The following DKC1 variants were observed in gnomAD, a reference collection of about 807,000 sequenced individuals.
DKC1 encodes the protein dyskerin pseudouridine synthase 1, also known as H/ACA ribonucleoprotein complex subunit DKC1.
A neutral mutation model predicts 46.7 loss-of-function variants in DKC1; 4 were observed. That is an observed-to-expected ratio of 0.09 (90% CI 0.04 to 0.20). The LOEUF is 0.20. Ranked by LOEUF, DKC1 falls within the 10% of genes least tolerant of loss-of-function variation. The probability of loss-of-function intolerance (pLI) is 1.00; values close to 1 mark genes in which losing one functional copy is unlikely to be tolerated. For synonymous variants in DKC1, 141 were observed against 142.4 expected (o/e 0.99, Z 0.07); for missense variants, 171 against 404.2 (o/e 0.42, Z 4.95).
intron 7 of DKC1, 31 bp from the exon 8 acceptor site, chrX:154,768,271 G>T (rs368851544): frequency 4.0e-5 from 48 of 1,210,509 alleles, no homozygotes; most frequent in Non-Finnish European, 5.4e-5. Context: ...TACAGTAGGT[G>T]CTGCTTTTCT....
chrX:154,764,228 T>C (rs1557263917), intron 1 of DKC1, among the ~76,000 whole-genome samples: 1 of 108,165 alleles, frequency 9.2e-6, no homozygotes, highest in African/African-American at 3.3e-5. Flanking sequence ...ATGTATTATA[T>C]GTATGTATAT....
intron 1 of DKC1, 27 bp from the exon 2 acceptor site, chrX:154,764,872 T>A (rs1557263979): frequency 8.8e-7 from 1 of 1,136,304 alleles, no homozygotes; most frequent in Non-Finnish European, 1.2e-6. Context: ...TGGGGAAAAT[T>A]CCCAAATCCT....
intron 3 of DKC1, 44 bp downstream of exon 3, chrX:154,765,574 G>A (rs370398142): frequency 8.2e-6 from 8 of 974,254 alleles, no homozygotes; most frequent in South Asian, 5.8e-5. Flanking sequence ...CTGCTTTTAC[G>A]TTATTTCCAA....
chrX:154,773,965 G>A (rs1033347995), intron 11 of DKC1, among the ~76,000 whole-genome samples: 52 of 111,590 alleles, frequency 4.7e-4, no homozygotes, highest in African/African-American at 1.7e-3. Context: ...CGGATGGGGC[G>A]GCTCCTGCCA....
At chrX:154,768,795 C>G (rs2071783654) in intron 8 of DKC1, 1 of 284,442 alleles carries the variant, frequency 3.5e-6, no homozygotes, top group African/African-American at 2.9e-5. Flanking sequence ...ACCATCCTGG[C>G]TAACAAGGTG....
chrX:154,775,448 G>A (rs1406129567), intron 13 of DKC1, 175 bp downstream of exon 13: 11 of 511,622 alleles, frequency 2.2e-5, no homozygotes, highest in Non-Finnish European at 3.5e-5. Context: ...TTTGGGCTCT[G>A]CAGGCTCCTC....
rs1028393818 is a variant in DKC1 at position 154,773,204 on chromosome X, C to T, written c.1110C>T (p.Ile370=). 12 of 1,203,432 alleles carry T rather than the reference C, an allele frequency of 1.0e-5. No individual in the cohort carries two copies. The East Asian group carries it at 3.3e-4, about 33-fold the overall frequency. ...HGIVAKIKRV[I]MERDTYPRKW... Reference sequence around the variant, plus strand: ...TAGTAGCCAAGATCAAGAGAGTGATCATGGAGAGAGACACTTACCCTCGGA... The same window carrying T: ...TAGTAGCCAAGATCAAGAGAGTGATTATGGAGAGAGACACTTACCCTCGGA... Residue 370 remains isoleucine, a synonymous_variant, in exon 11 of 15, where the codon ATC becomes ATT. Coordinates refer to ENST00000369550, the MANE Select transcript of DKC1 (RefSeq NM_001363.5).
intron 10 of DKC1, 58 bp downstream of exon 10, chrX:154,770,937 A>T: frequency 3.5e-5 from 40 of 1,134,807 alleles, no homozygotes; most frequent in Non-Finnish European, 4.8e-5. Context: ...TACTAGGTGT[A>T]TATATTTATG....
rs782571821 is a variant in DKC1 at position 154,766,961 on chromosome X, G to A, written c.449-36G>A. 3.4e-6 allele frequency: 4 copies of A among 1,184,436 alleles called. No homozygotes were observed. The South Asian group carries it at 5.3e-5, about 16-fold the overall frequency. ...AGAAATATGGAAAACAGAAAACTCA[G>A]TGGCCACACCTGACTACTCTTTTGT... On this transcript the variant is annotated intron_variant, in intron 5 of 14. Transcript: ENST00000369550.
intron 13 of DKC1, among the ~76,000 whole-genome samples, chrX:154,775,722 GAGTC>G (rs1427262250): frequency 1.8e-5 from 2 of 112,324 alleles, no homozygotes; most frequent in African/African-American, 3.2e-5. Flanking sequence ...AGTGTTGAAA[GAGTC>G]AGTCAAGCAT....
Position 154,777,252 on chromosome X carries a change from C to T in DKC1, c.*385C>T, listed in dbSNP as rs1272662178. 2.9e-5 allele frequency: 5 copies of T among 174,298 alleles called. No individual in the cohort carries two copies. Among genetic ancestry groups the T allele is most frequent in the African/African-American group, 1.5e-4 (5 of 32,799 alleles). 14.4% of individuals were successfully genotyped at this position (174,298 alleles called of 1,213,427 possible). A position where few individuals can be genotyped will look rare whatever the true frequency, so the allele number is the denominator to read the frequency against. ...GTAAAACAAAAACAAAAAACTAAGT[C>T]TGCTCAGTGAAATGCTGTAGAACCC... is the stretch of plus-strand genomic sequence containing the variant. On this transcript the variant is annotated 3_prime_UTR_variant, in exon 15 of 15. Transcript: ENST00000369550.
chrX:154,776,702 C>A, intron 14 of DKC1, 97 bp from the exon 15 acceptor site: 1 of 885,356 alleles, frequency 1.1e-6, no homozygotes, highest in African/African-American at 2.0e-5. Flanking sequence ...CTGAAAAAGG[C>A]TTGCTTGACT....
intron 10 of DKC1, among the ~76,000 whole-genome samples, chrX:154,771,113 G>C (rs1265729020): frequency 9.4e-6 from 1 of 106,616 alleles, no homozygotes; most frequent in Non-Finnish European, 1.9e-5. Flanking sequence ...AGTTATTATT[G>C]ATTATAGTCA....
intron 7 of DKC1, among the ~76,000 whole-genome samples, chrX:154,767,868 T>TC (rs2071768135): frequency 1.0e-5 from 1 of 95,326 alleles, no homozygotes; most frequent in Non-Finnish European, 2.1e-5. Flanking sequence ...TTTTTTTTTT[T>TC]GAGACGGAGT....
intron 7 of DKC1, among the ~76,000 whole-genome samples, chrX:154,767,843 C>CTTTTTTT (rs35184460): frequency 2.9e-4 from 19 of 65,176 alleles, no homozygotes; most frequent in East Asian, 9.8e-4. Context: ...AATTACAGAT[C>CTTTTTTT]TTTTTTTTTT....
chrX:154,776,702 C>T, intron 14 of DKC1, 97 bp from the exon 15 acceptor site: 2 of 885,360 alleles, frequency 2.3e-6, no homozygotes, highest in South Asian at 4.0e-5. Context: ...CTGAAAAAGG[C>T]TTGCTTGACT....
In DKC1 at chrX:154,767,080, G is replaced by A. The variant is rs782273508; in HGVS notation, c.513+19G>A. 7 of 1,202,614 alleles carry A rather than the reference G, an allele frequency of 5.8e-6. No homozygotes were observed. The highest frequency in any genetic ancestry group is 6.8e-6 in the Non-Finnish European group (6 of 887,183). On this transcript the variant is annotated intron_variant, in intron 6 of 14. Transcript: ENST00000369550. Reference sequence around the variant, plus strand: ...TTCTAGGGTAAGTCTGCAATTGTAGGGAGGACACCCTTTGTTGACTTGGAT... The same window carrying A: ...TTCTAGGGTAAGTCTGCAATTGTAGAGAGGACACCCTTTGTTGACTTGGAT...
chrX:154,767,489 C>T lies in DKC1; in HGVS notation c.640+107C>T, dbSNP rs2071760738. On this transcript the variant is annotated intron_variant, in intron 7 of 14. Transcript: ENST00000369550. The stretch of plus-strand genomic sequence containing the variant: ...TGAAGACTTTCTAAAACCTGCCCTA[C>T]AGCTGGGATATTGTCTGTGGGCGAT... The T allele has an allele frequency of 3.2e-6, 3 of 943,167 alleles. No homozygotes were observed. In the South Asian group the frequency reaches 5.9e-5, roughly 19 times the overall value. The allele number at this position is 943,167 out of a possible 1,213,427, so 77.7% of individuals were successfully genotyped here.
chrX:154,764,274 A>G (rs1557263926), intron 1 of DKC1, among the ~76,000 whole-genome samples: 1 of 108,933 alleles, frequency 9.2e-6, no homozygotes, highest in Non-Finnish European at 1.9e-5. Flanking sequence ...TAAGTGGTGC[A>G]CCCGTAGAGG....
Sources: allele counts gnomAD v4.1 joint callset (sites outside exome capture counted in the v4.1 genomes callset), GRCh38; gene constraint gnomAD v4.1.1; transcripts MANE v1.5; gene names NCBI Gene and HGNC (gene_info 2026-07-23, HGNC 2026-07-21).